The following ADGRL2 variants were observed in gnomAD, a reference collection of about 807,000 sequenced individuals.
ADGRL2 encodes calcium-independent alpha-latrotoxin receptor 2.
Under a neutral mutation model 157.4 loss-of-function variants are expected in ADGRL2, and 44 were observed. The ratio of observed to expected loss-of-function variants is 0.28; its 90% CI spans 0.22 to 0.36. ADGRL2 has a LOEUF of 0.36. ADGRL2 is among the 10% of genes least tolerant of loss of function. The pLI is 1.00. For synonymous variants in ADGRL2, 585 were observed against 624.7 expected, an observed-to-expected ratio of 0.94 and a Z score of 0.95; for missense variants, 1,510 against 1,768.9, an observed-to-expected ratio of 0.85 and a Z score of 2.63.
intron 2 of ADGRL2, among the ~76,000 whole-genome samples, chr1:81,568,149 T>C (rs1365651894): frequency 6.6e-6 from 1 of 152,118 alleles, no homozygotes; most frequent in African/African-American, 2.4e-5. Flanking sequence ...AAAAAAATTA[T>C]ATAGTGGTGT....
At chr1:81,691,026 C>T (rs895209957) in intron 3 of ADGRL2, among the ~76,000 whole-genome samples, 2 of 152,152 alleles carry the variant, frequency 1.3e-5, no homozygotes, top group Admixed American at 6.5e-5. Context: ...TTATGAGATT[C>T]GTATGAGATT....
chr1:81,695,769 C>T (rs913677812), upstream of ADGRL2, among the ~76,000 whole-genome samples: 42 of 150,444 alleles, frequency 2.8e-4, no homozygotes, highest in African/African-American at 9.6e-4. Context: ...TGCAGTGAGC[C>T]GAGAGATTAT....
chr1:81,422,348 G>T (rs1170060809), intron 1 of ADGRL2, among the ~76,000 whole-genome samples: 2 of 152,104 alleles, frequency 1.3e-5, no homozygotes, highest in African/African-American at 4.8e-5. Context: ...GAATTCAAGC[G>T]ATTCTCCTGC....
rs541559395 is a variant in ADGRL2 at position 81,841,655 on chromosome 1, A to G, written c.73+4598A>G. ...ACAAAATCTGTACATATATACACAT[A>G]TTTGTGTATATATGTGCACGCGCAT... On this transcript the variant is annotated intron_variant, in intron 2 of 23. Transcript: ENST00000686636. Among the ~76,000 whole-genome samples the G allele has an allele frequency of 5.3e-5, 8 of 152,216 alleles. No individual in the cohort carries two copies. In the East Asian group the frequency reaches 9.7e-4, roughly 18 times the overall value.
chr1:81,501,649 G>A (rs561601322), intron 2 of ADGRL2: 4 of 1,324,092 alleles, frequency 3.0e-6, no homozygotes, highest in African/African-American at 2.9e-5. Flanking sequence ...GGGCCTGAGC[G>A]GCCGCCTCCT....
At chr1:81,765,920 A>C (rs1219211476) in intron 2 of ADGRL2, among the ~76,000 whole-genome samples, 6 of 152,136 alleles carry the variant, frequency 3.9e-5, no homozygotes, top group Admixed American at 2.0e-4. Context: ...TAATAATATA[A>C]AAGAATTGTT....
intron 3 of ADGRL2, among the ~76,000 whole-genome samples, chr1:81,936,006 G>A (rs919252335): frequency 6.6e-6 from 1 of 151,628 alleles, no homozygotes; most frequent in African/African-American, 2.4e-5. Context: ...GTTGAACCGA[G>A]GTACATAGTC....
rs2077183162 is a variant in ADGRL2 at position 81,424,834 on chromosome 1, G to T, written c.-301-20202G>T. 2.0e-5 allele frequency among the ~76,000 whole-genome samples: 3 copies of T among 152,108 alleles called. No homozygotes were observed. The South Asian group carries it at 6.2e-4, about 32-fold the overall frequency. ...ATTTTCTGACATAGCAGTTGCAAGG[G>T]TATTGAGATGGTGGAATTGGCTTGT... On this transcript the variant is annotated intron_variant, in intron 1 of 24. Transcript: ENST00000370721.
chr1:81,339,595 T>A (rs1661914773), intron 1 of ADGRL2, among the ~76,000 whole-genome samples: 1 of 152,230 alleles, frequency 6.6e-6, no homozygotes, highest in Admixed American at 6.5e-5. Context: ...TTTGTTTGTT[T>A]GTTTGTTTTT....
At chr1:81,444,053 G>C (rs557246225) in intron 1 of ADGRL2, among the ~76,000 whole-genome samples, 1 of 152,216 alleles carries the variant, frequency 6.6e-6, no homozygotes, top group African/African-American at 2.4e-5. Context: ...CTTGTAGCCA[G>C]AGTTTGCAGA....
At chr1:81,678,497 A>C (rs1162670348) in intron 3 of ADGRL2, among the ~76,000 whole-genome samples, 2 of 152,334 alleles carry the variant, frequency 1.3e-5, no homozygotes, top group Non-Finnish European at 2.9e-5. Context: ...CTTTGGCCTA[A>C]ATTTTGAAGT....
At chr1:81,508,647 G>A (rs2079022045) in intron 2 of ADGRL2, among the ~76,000 whole-genome samples, 1 of 152,130 alleles carries the variant, frequency 6.6e-6, no homozygotes, top group African/African-American at 2.4e-5. Flanking sequence ...CAAGTGCCAG[G>A]CCCTACCTAC....
At chr1:81,873,756 C>G (rs1025677385) in intron 2 of ADGRL2, among the ~76,000 whole-genome samples, 1 of 152,098 alleles carries the variant, frequency 6.6e-6, no homozygotes, top group Non-Finnish European at 1.5e-5. Flanking sequence ...TCACTTGATT[C>G]TTAGTCCCAC....
intron 1 of ADGRL2, among the ~76,000 whole-genome samples, chr1:81,443,968 G>T (rs1377512015): frequency 3.3e-5 from 5 of 152,146 alleles, no homozygotes; most frequent in Non-Finnish European, 7.3e-5. Context: ...GGGATGATCT[G>T]AAGTACTCTT....
chr1:81,899,714 T>C (rs2094454585), intron 2 of ADGRL2, among the ~76,000 whole-genome samples: 2 of 152,186 alleles, frequency 1.3e-5, no homozygotes, highest in African/African-American at 4.8e-5. Context: ...GGGATGCTTA[T>C]TTTTTTGTTG....
At chr1:81,312,727 C>G (rs574833796) in intron 1 of ADGRL2, among the ~76,000 whole-genome samples, 3 of 152,048 alleles carry the variant, frequency 2.0e-5, no homozygotes, top group Non-Finnish European at 4.4e-5. Context: ...GGGGTGTTAT[C>G]GGATTCAGAG....
chr1:81,920,745 A>G (rs1334732942), intron 3 of ADGRL2, among the ~76,000 whole-genome samples: 1 of 152,030 alleles, frequency 6.6e-6, no homozygotes, highest in Admixed American at 6.6e-5. Context: ...AGCACTCCCA[A>G]TAAGCCTCTG....
intron 1 of ADGRL2, among the ~76,000 whole-genome samples, chr1:81,439,053 C>T (rs1237817336): frequency 1.3e-5 from 2 of 152,120 alleles, no homozygotes; most frequent in Non-Finnish European, 2.9e-5. Context: ...GTAAAACTCC[C>T]AGAGAACCTT....
intron 1 of ADGRL2, among the ~76,000 whole-genome samples, chr1:81,374,578 G>GAAA (rs71242588): frequency 3.8e-5 from 5 of 130,250 alleles, no homozygotes; most frequent in Non-Finnish European, 6.3e-5. Context: ...TCTCAAAAAA[G>GAAA]AAAAAAAAAA....
Sources: gnomAD v4.1 joint callset for allele counts (sites outside exome capture counted in the v4.1 genomes callset) on GRCh38, gnomAD v4.1.1 for gene constraint, MANE v1.5 for transcripts, NCBI Gene and HGNC (gene_info 2026-07-23, HGNC 2026-07-21) for gene names.